GRIK1: variants seen among roughly 807,000 people sequenced by gnomAD.
The protein encoded by GRIK1 is glutamate ionotropic receptor kainate type subunit 1.
GRIK1 carries 69 observed loss-of-function variants against 105.7 expected under a neutral mutation model. That is an observed-to-expected ratio of 0.65 (90% CI 0.54 to 0.80). The LOEUF (loss-of-function observed/expected upper bound fraction) is 0.80, where lower values mean the gene tolerates loss of function less well. GRIK1 is among the 30% of genes least tolerant of loss of function. The pLI is 0.00. For missense variants in GRIK1, 1,109 were observed against 1,167.3 expected, an observed-to-expected ratio of 0.95 and a Z score of 0.73; for synonymous variants, 438 against 431.3, an observed-to-expected ratio of 1.02 and a Z score of -0.19.
At chr21:29,927,360 A>G (rs1406983418) in intron 1 of GRIK1, among the ~76,000 whole-genome samples, 1 of 150,716 alleles carries the variant, frequency 6.6e-6, no homozygotes, top group South Asian at 2.1e-4. Flanking sequence ...AATAATACAC[A>G]ACTATATATG....
intron 6 of GRIK1, among the ~76,000 whole-genome samples, chr21:29,649,116 C>T (rs2062675604): frequency 1.3e-5 from 2 of 152,012 alleles, no homozygotes; most frequent in South Asian, 4.2e-4. Flanking sequence ...TTCCACATTC[C>T]CAAAGTAGCC....
At chr21:29,594,759 G>A (rs1178031017) in intron 9 of GRIK1, among the ~76,000 whole-genome samples, 13 of 152,132 alleles carry the variant, frequency 8.5e-5, no homozygotes. Flanking sequence ...CATCTAAAGT[G>A]GCTGAGGGAA....
intron 1 of GRIK1, among the ~76,000 whole-genome samples, chr21:29,737,832 G>A (rs775228265): frequency 2.0e-5 from 3 of 152,192 alleles, no homozygotes; most frequent in South Asian, 2.1e-4. Context: ...TGTCAGATGC[G>A]ATCACCATCT....
chr21:29,572,539 T>C (rs951182790), intron 14 of GRIK1, among the ~76,000 whole-genome samples: 2 of 152,214 alleles, frequency 1.3e-5, no homozygotes, highest in Non-Finnish European at 2.9e-5. Flanking sequence ...GTTTTCTGAA[T>C]GCCTACTATA....
intron 9 of GRIK1, among the ~76,000 whole-genome samples, chr21:29,595,188 C>A (rs2832407): frequency 0.51 from 77,604 of 151,768 alleles, 22,801 homozygotes; most frequent in African/African-American, 0.81. Context: ...TTACAACCCT[C>A]GGGAGTGTGT....
intron 1 of GRIK1, among the ~76,000 whole-genome samples, chr21:29,713,897 T>G (rs892232601): frequency 1.3e-5 from 2 of 152,206 alleles, no homozygotes; most frequent in Non-Finnish European, 2.9e-5. Context: ...TTGCACTAAT[T>G]TGTTTACATT....
At chr21:29,884,614 A>G (rs1412977258) in intron 1 of GRIK1, among the ~76,000 whole-genome samples, 1 of 152,054 alleles carries the variant, frequency 6.6e-6, no homozygotes, top group Non-Finnish European at 1.5e-5. Context: ...AACCTAACAG[A>G]TAAAGTTTGT....
intron 12 of GRIK1, 41 bp downstream of exon 12, chr21:29,587,325 T>C: frequency 7.8e-7 from 1 of 1,284,378 alleles, no homozygotes; most frequent in Non-Finnish European, 1.1e-6. Context: ...AATCTGAGAC[T>C]GACCTACACC....
intron 1 of GRIK1, among the ~76,000 whole-genome samples, chr21:29,909,743 T>C (rs551071190): frequency 1.3e-5 from 2 of 152,296 alleles, no homozygotes; most frequent in Non-Finnish European, 2.9e-5. Flanking sequence ...AAGAAATCAC[T>C]TTCTGAAAAA....
intron 2 of GRIK1, 131 bp from the exon 3 acceptor site, chr21:29,690,116 C>T (rs2063559068): frequency 1.4e-6 from 1 of 720,876 alleles, no homozygotes; most frequent in Non-Finnish European, 2.3e-6. Flanking sequence ...AAATCTTTTA[C>T]AATCCCTGTC....
At chr21:29,732,520 A>G (rs1294637697) in intron 1 of GRIK1, among the ~76,000 whole-genome samples, 1 of 152,198 alleles carries the variant, frequency 6.6e-6, no homozygotes, top group African/African-American at 2.4e-5. Flanking sequence ...TCTGTCTTTG[A>G]GTTGGCCAGT....
chr21:29,776,340 T>A (rs995910077), intron 1 of GRIK1, among the ~76,000 whole-genome samples: 3 of 152,226 alleles, frequency 2.0e-5, no homozygotes, highest in African/African-American at 7.2e-5. Flanking sequence ...CTTGGTCAAA[T>A]ACTTGGATTG....
intron 13 of GRIK1, among the ~76,000 whole-genome samples, chr21:29,580,087 G>A (rs1380949250): frequency 1.3e-4 from 18 of 143,972 alleles, no homozygotes; most frequent in African/African-American, 4.1e-4. Context: ...GTATATGTGT[G>A]TGTATATATA....
chr21:29,901,586 C>A (rs2070410747), intron 1 of GRIK1, among the ~76,000 whole-genome samples: 2 of 152,122 alleles, frequency 1.3e-5, no homozygotes, highest in Non-Finnish European at 2.9e-5. Context: ...CCTCCCAAGA[C>A]TAAACCAGGA....
At chr21:29,826,015 C>T (rs537315677) in intron 1 of GRIK1, among the ~76,000 whole-genome samples, 20 of 152,166 alleles carry the variant, frequency 1.3e-4, no homozygotes, top group Non-Finnish European at 2.8e-4. Context: ...GCACTCTTCT[C>T]CAAAGGAAGG....
chr21:29,778,930 T>C (rs528940993), intron 1 of GRIK1, among the ~76,000 whole-genome samples: 1 of 152,174 alleles, frequency 6.6e-6, no homozygotes, highest in Non-Finnish European at 1.5e-5. Flanking sequence ...AAAAGGGAAT[T>C]ATACTAATTC....
At chr21:29,821,706 C>A (rs2067312362) in intron 1 of GRIK1, among the ~76,000 whole-genome samples, 1 of 152,046 alleles carries the variant, frequency 6.6e-6, no homozygotes, top group Non-Finnish European at 1.5e-5. Context: ...TATTTGTTTA[C>A]ATTTCTCGCT....
intron 1 of GRIK1, among the ~76,000 whole-genome samples, chr21:29,842,049 C>T (rs898215040): frequency 6.6e-6 from 1 of 152,074 alleles, no homozygotes; most frequent in African/African-American, 2.4e-5. Flanking sequence ...TAGATGATCC[C>T]TTTTTTCTAT....
intron 4 of GRIK1, among the ~76,000 whole-genome samples, chr21:29,660,736 G>GTATA (rs1568945198): frequency 1.3e-5 from 2 of 152,152 alleles, no homozygotes. Context: ...AAGCCGAAGT[G>GTATA]TATTTCTCTT....
Sources: allele counts gnomAD v4.1 joint callset (sites outside exome capture counted in the v4.1 genomes callset), GRCh38; gene constraint gnomAD v4.1.1; transcripts MANE v1.5; gene names NCBI Gene and HGNC (gene_info 2026-07-23, HGNC 2026-07-21).